PHACTR1: variants seen among roughly 807,000 people sequenced by gnomAD.
PHACTR1 encodes RPEL repeat containing 1.
Under a neutral mutation model 69.2 loss-of-function variants are expected in PHACTR1, and 16 were observed. The ratio of observed to expected loss-of-function variants is 0.23; its 90% confidence interval spans 0.16 to 0.35. The LOEUF (loss-of-function observed/expected upper bound fraction) is 0.35. Ranked by LOEUF, PHACTR1 falls within the 10% of genes least tolerant of loss-of-function variation. The probability of loss-of-function intolerance (pLI) is 1.00; values close to 1 mark genes in which losing one functional copy is unlikely to be tolerated. For synonymous variants in PHACTR1, 312 were observed against 284.5 expected (o/e 1.10, Z -0.97); for missense variants, 510 against 734.7 (o/e 0.69, Z 3.54).
chr6:13,190,995 G>A (rs1267724121), intron 7 of PHACTR1, among the ~76,000 whole-genome samples: 2 of 151,988 alleles, frequency 1.3e-5, no homozygotes, highest in African/African-American at 4.8e-5. Flanking sequence ...CTCTAGTTTT[G>A]TGGACTTTTT....
intron 7 of PHACTR1, among the ~76,000 whole-genome samples, chr6:13,198,293 A>G (rs896894695): frequency 2.0e-5 from 3 of 152,242 alleles, no homozygotes; most frequent in African/African-American, 7.2e-5. Context: ...TCAATAGGCA[A>G]TGCTGTGACA....
intron 5 of PHACTR1, among the ~76,000 whole-genome samples, chr6:13,077,629 T>G (rs1810730167): frequency 6.6e-6 from 1 of 152,110 alleles, no homozygotes; most frequent in Non-Finnish European, 1.5e-5. Context: ...TGGAGGCTTT[T>G]GAGCAAGGAG....
chr6:13,012,486 C>T (rs540946505), intron 4 of PHACTR1, among the ~76,000 whole-genome samples: 6 of 152,308 alleles, frequency 3.9e-5, no homozygotes, highest in African/African-American at 1.2e-4. Context: ...GAAAAGAGGA[C>T]AAGGGTGTGA....
chr6:12,862,949 C>A (rs962869104), intron 4 of PHACTR1, among the ~76,000 whole-genome samples: 1 of 152,204 alleles, frequency 6.6e-6, no homozygotes, highest in East Asian at 1.9e-4. Flanking sequence ...ATGGGTTCCA[C>A]CCCAGAGCTA....
chr6:13,186,030 A>G (rs1477425338), intron 7 of PHACTR1, among the ~76,000 whole-genome samples: 2 of 152,226 alleles, frequency 1.3e-5, no homozygotes, highest in Non-Finnish European at 2.9e-5. Flanking sequence ...ACTGAGTTCT[A>G]TAAGAGTCCA....
intron 4 of PHACTR1, among the ~76,000 whole-genome samples, chr6:12,826,258 A>T (rs181191843): frequency 6.4e-4 from 98 of 152,312 alleles, no homozygotes; most frequent in African/African-American, 2.3e-3. Context: ...CAAAAAGATA[A>T]TGTGAATTTA....
intron 4 of PHACTR1, among the ~76,000 whole-genome samples, chr6:12,961,060 A>G (rs528670168): frequency 2.6e-4 from 40 of 152,304 alleles, no homozygotes; most frequent in African/African-American, 9.4e-4. Flanking sequence ...TTCAGGATCC[A>G]CAGTTGCAGG....
chr6:12,923,231 G>T (rs1458055466), intron 4 of PHACTR1, among the ~76,000 whole-genome samples: 1 of 152,090 alleles, frequency 6.6e-6, no homozygotes, highest in East Asian at 1.9e-4. Flanking sequence ...TGACTGACAA[G>T]TCTTTATCAA....
At chr6:13,229,653 T>C (rs1439946278) in intron 9 of PHACTR1, among the ~76,000 whole-genome samples, 1 of 152,194 alleles carries the variant, frequency 6.6e-6, no homozygotes, top group Non-Finnish European at 1.5e-5. Flanking sequence ...TGTTGGACTC[T>C]CATCTCTGCT....
intron 4 of PHACTR1, among the ~76,000 whole-genome samples, chr6:12,930,389 G>A (rs1788738611): frequency 6.6e-6 from 1 of 152,132 alleles, no homozygotes; most frequent in Admixed American, 6.5e-5. Flanking sequence ...GGGGATACAT[G>A]GAAAGAAAGA....
intron 8 of PHACTR1, among the ~76,000 whole-genome samples, chr6:13,222,555 T>C (rs1231550716): frequency 1.3e-5 from 2 of 152,248 alleles, no homozygotes; most frequent in African/African-American, 4.8e-5. Flanking sequence ...ATTCAGCGAA[T>C]GCTGCAGATT....
intron 4 of PHACTR1, among the ~76,000 whole-genome samples, chr6:12,896,400 A>C (rs1048261688): frequency 1.3e-5 from 2 of 152,212 alleles, no homozygotes; most frequent in Non-Finnish European, 2.9e-5. Flanking sequence ...AACATAGACC[A>C]CATATTCCCT....
intron 5 of PHACTR1, among the ~76,000 whole-genome samples, chr6:13,120,259 C>G (rs550817893): frequency 6.6e-6 from 1 of 152,242 alleles, no homozygotes; most frequent in South Asian, 2.1e-4. Flanking sequence ...CTCTCTCCTT[C>G]TCTTCCTCCC....
intron 3 of PHACTR1, among the ~76,000 whole-genome samples, chr6:12,739,568 C>T (rs1477221202): frequency 6.6e-6 from 1 of 151,996 alleles, no homozygotes. Flanking sequence ...GAGACAGGGT[C>T]TCACTCTGTT....
intron 6 of PHACTR1, among the ~76,000 whole-genome samples, chr6:13,178,813 T>TA (rs1262670590): frequency 6.6e-6 from 1 of 152,236 alleles, no homozygotes; most frequent in Non-Finnish European, 1.5e-5. Flanking sequence ...ACTAACAAGA[T>TA]GGTGATGACC....
At chr6:12,817,910 G>C (rs4711841) in intron 4 of PHACTR1, among the ~76,000 whole-genome samples, 54,108 of 150,254 alleles carry the variant, frequency 0.36, 10,143 homozygotes, top group African/African-American at 0.45. Context: ...TGCATGCTCT[G>C]CCTCCCGGGT....
At chr6:13,236,294 G>C (rs969416244) in intron 10 of PHACTR1, among the ~76,000 whole-genome samples, 4 of 152,166 alleles carry the variant, frequency 2.6e-5, no homozygotes, top group Non-Finnish European at 5.9e-5. Flanking sequence ...ACTCACCTAT[G>C]ATTATTCCCA....
At chr6:12,948,220 G>A (rs1338278877) in intron 4 of PHACTR1, among the ~76,000 whole-genome samples, 1 of 152,208 alleles carries the variant, frequency 6.6e-6, no homozygotes, top group African/African-American at 2.4e-5. Flanking sequence ...AGTCATGGCT[G>A]GGTGTTGGTA....
chr6:13,248,430 T>A (rs1210636622), intron 10 of PHACTR1, among the ~76,000 whole-genome samples: 1 of 152,270 alleles, frequency 6.6e-6, no homozygotes, highest in Non-Finnish European at 1.5e-5. Context: ...TTAAGTGATC[T>A]CTATGCATTA....
Sources: allele counts gnomAD v4.1 joint callset (sites outside exome capture counted in the v4.1 genomes callset), GRCh38; gene constraint gnomAD v4.1.1; transcripts MANE v1.5; gene names NCBI Gene and HGNC (gene_info 2026-07-23, HGNC 2026-07-21).